MYO18B: variants seen among roughly 807,000 people sequenced by gnomAD.
The protein encoded by MYO18B is unconventional myosin-XVIIIb.
A neutral mutation model predicts 273.0 loss-of-function variants in MYO18B; 204 were observed. The observed-to-expected ratio is 0.75, with a 90% CI of 0.67 to 0.84. The LOEUF (loss-of-function observed/expected upper bound fraction) is 0.84, where lower values mean the gene tolerates loss of function less well. MYO18B is among the 40% of genes least tolerant of loss of function. The pLI is 0.00. For synonymous variants in MYO18B, 1,330 were observed against 1,305.7 expected (o/e 1.02, Z -0.40); for missense variants, 3,212 against 3,287.6 (o/e 0.98, Z 0.56).
intron 34 of MYO18B, among the ~76,000 whole-genome samples, chr22:25,925,445 ATTAG>A (rs1018626840): frequency 7.2e-5 from 11 of 152,182 alleles, no homozygotes; most frequent in Admixed American, 7.2e-4. Flanking sequence ...CTATTTTAAA[ATTAG>A]TTAATTTTTG....
At chr22:25,829,053 C>T (rs1348953932) in intron 15 of MYO18B, 85 bp downstream of exon 15, 3 of 1,392,452 alleles carry the variant, frequency 2.2e-6, no homozygotes, top group Non-Finnish European at 2.9e-6. Flanking sequence ...TCCCATTCCC[C>T]AGGAGCCTGC....
chr22:25,991,630 G>A (rs910580072), intron 39 of MYO18B, among the ~76,000 whole-genome samples: 7 of 152,188 alleles, frequency 4.6e-5, no homozygotes, highest in Non-Finnish European at 7.3e-5. Flanking sequence ...TGAGAGGGGC[G>A]TCAGAGGCAC....
intron 7 of MYO18B, among the ~76,000 whole-genome samples, chr22:25,776,289 G>A (rs1383729214): frequency 6.6e-6 from 1 of 152,214 alleles, no homozygotes; most frequent in South Asian, 2.1e-4. Context: ...TCTTGTCCTG[G>A]TTTTCCTGGG....
At chr22:26,058,885 C>T in the MYO18B span, among the ~76,000 whole-genome samples, 4 of 152,088 alleles carry the variant, frequency 2.6e-5, no homozygotes, top group Non-Finnish European at 4.4e-5. Context: ...CTCAGGAATT[C>T]CTTTATAGCA....
chr22:25,886,299 G>A (rs1465660676), intron 25 of MYO18B, among the ~76,000 whole-genome samples: 1 of 152,224 alleles, frequency 6.6e-6, no homozygotes, highest in Non-Finnish European at 1.5e-5. Flanking sequence ...GTGTCCAACA[G>A]GCATCTCTGG....
At chr22:26,046,998 C>T in the MYO18B span, among the ~76,000 whole-genome samples, 1 of 152,164 alleles carries the variant, frequency 6.6e-6, no homozygotes, top group Non-Finnish European at 1.5e-5. Flanking sequence ...CTTAGGCTTC[C>T]TCCAACCGTG....
chr22:25,847,124 T>C (rs2090274791), intron 19 of MYO18B, among the ~76,000 whole-genome samples: 1 of 151,846 alleles, frequency 6.6e-6, no homozygotes, highest in South Asian at 2.1e-4. Context: ...ATGGACCTCC[T>C]AGTGCGTTAT....
At position 25,781,609 on chromosome 22, in the gene MYO18B, C is replaced by CA. The variant is rs67116433; in HGVS notation, c.2212-109dup. 0.075 allele frequency: 20,469 copies of CA among 273,492 alleles called. 420 individuals carry two copies. Among genetic ancestry groups the CA allele is most frequent in the African/African-American group, 0.13 (4,676 of 36,298 alleles). The allele number at this position is 273,492 out of a possible 1,614,324, so 16.9% of individuals were successfully genotyped here. ...TGGGCAACAGAGCGAGACTCCGTCT[C>CA]AAAAAAAAAAAAAAAAGAGTGGATC... On this transcript the variant is annotated intron_variant, in intron 9 of 43. Transcript: ENST00000335473.
chr22:26,022,757 C>T (rs569990086), intron 42 of MYO18B, among the ~76,000 whole-genome samples: 2 of 152,362 alleles, frequency 1.3e-5, no homozygotes, highest in East Asian at 3.9e-4. Flanking sequence ...AGACATTAGA[C>T]CCCATGACAG....
chr22:25,828,084 C>T (rs187391809), intron 14 of MYO18B, among the ~76,000 whole-genome samples: 5 of 152,328 alleles, frequency 3.3e-5, no homozygotes, highest in Admixed American at 2.6e-4. Flanking sequence ...GTGGCATTTA[C>T]TGAGCACTAA....
intron 22 of MYO18B, among the ~76,000 whole-genome samples, chr22:25,871,242 AC>A (rs1423856403): frequency 6.6e-6 from 1 of 152,120 alleles, no homozygotes; most frequent in Non-Finnish European, 1.5e-5. Flanking sequence ...GACTGGTTTA[AC>A]TTCCCTGAGC....
intron 12 of MYO18B, among the ~76,000 whole-genome samples, chr22:25,818,738 C>T (rs1368735085): frequency 2.6e-5 from 4 of 152,114 alleles, no homozygotes; most frequent in Non-Finnish European, 5.9e-5. Context: ...TGAAGGGTAC[C>T]CTCCTTGGTT....
chr22:25,858,536 A>C (rs978434361), intron 21 of MYO18B, among the ~76,000 whole-genome samples: 52 of 152,228 alleles, frequency 3.4e-4, no homozygotes, highest in African/African-American at 1.2e-3. Context: ...TATACAGCCA[A>C]ATGTGAGATG....
Position 26,027,830 on chromosome 22 carries a change from T to A in MYO18B, c.*12+140T>A. The A allele has an allele frequency of 1.1e-6, 1 of 928,182 alleles. No homozygotes were observed. Among genetic ancestry groups the A allele is most frequent in the East Asian group, 2.7e-5 (1 of 37,516 alleles). The allele number at this position is 928,182 out of a possible 1,614,324, so 57.5% of individuals were successfully genotyped here. On this transcript the variant is annotated intron_variant, in intron 43 of 43. Transcript: ENST00000335473. The surrounding 1 kb of genome is among the most constrained non-coding windows in gnomAD (Gnocchi z 4.1). ...AGATTTTTAGAGGTTTTAGCTGAAGTCATGTGTTGATGGATGCAAAGCTTT... is the reference window on the plus strand; with the variant it reads ...AGATTTTTAGAGGTTTTAGCTGAAGACATGTGTTGATGGATGCAAAGCTTT...
intron 1 of MYO18B, among the ~76,000 whole-genome samples, chr22:25,753,510 T>C (rs920598931): frequency 5.9e-5 from 9 of 152,168 alleles, no homozygotes; most frequent in Non-Finnish European, 1.5e-5. Flanking sequence ...GCACCAGCAC[T>C]GGTAACCCGC....
intron 17 of MYO18B, among the ~76,000 whole-genome samples, chr22:25,836,405 G>A (rs1166736098): frequency 1.3e-5 from 2 of 152,118 alleles, no homozygotes; most frequent in Admixed American, 1.3e-4. Context: ...ATGAGGATGA[G>A]GATGCTGATG....
rs7290069 is a variant in MYO18B, at chr22:26,027,027, C to T, written c.7053C>T (p.Cys2351=). The stretch of plus-strand genomic sequence containing the variant: ...AGTCGAAAACCCAATTCAGTTCCTG[C>T]GAGTCCCTCTTAGAATCCAGACCGA... ...PEKSKTQFSS[C]ESLLESRPSM... is the part of the protein sequence containing the mutation. The change falls in exon 43 of 44, where the codon TGC becomes TGT. Residue 2351 remains cysteine, a synonymous_variant. Transcript: ENST00000335473. The surrounding 1 kb of genome is among the most constrained non-coding windows in gnomAD (Gnocchi z 4.1). 6.8e-3 allele frequency: 10,919 copies of T among 1,613,958 alleles called. 635 individuals are homozygous for T. In the African/African-American group the frequency reaches 0.13, roughly 19 times the overall value.
intron 40 of MYO18B, among the ~76,000 whole-genome samples, chr22:25,996,273 AATC>A (rs1367459276): frequency 7.3e-6 from 1 of 137,678 alleles, no homozygotes; most frequent in African/African-American, 3.0e-5. Context: ...GCTCAACGAG[AATC>A]ATCATCAATT....
the MYO18B span, among the ~76,000 whole-genome samples, chr22:26,062,103 T>C: frequency 6.6e-6 from 1 of 152,322 alleles, no homozygotes; most frequent in East Asian, 1.9e-4. Flanking sequence ...TTTGATATGA[T>C]GAATATTTGT....
Sources: gnomAD v4.1 joint callset for allele counts (sites outside exome capture counted in the v4.1 genomes callset) on GRCh38, gnomAD v4.1.1 for gene constraint, Gnocchi (gnomAD v3.1) non-coding constraint, MANE v1.5 for transcripts, NCBI Gene and HGNC (gene_info 2026-07-23, HGNC 2026-07-21) for gene names.